The following RASGEF1A variants were observed in gnomAD, a reference collection of about 807,000 sequenced individuals.
RASGEF1A encodes the protein RasGEF domain family member 1A.
RASGEF1A carries 18 observed loss-of-function variants against 56.4 expected under a neutral mutation model. That is an observed-to-expected ratio of 0.32 (90% CI 0.22 to 0.47). RASGEF1A has a LOEUF of 0.47. Among genes scored for constraint, RASGEF1A ranks in the 20% least tolerant of loss-of-function variants. The pLI is 1.00. For synonymous variants in RASGEF1A, 245 were observed against 242.6 expected, an observed-to-expected ratio of 1.01 and a Z score of -0.09; for missense variants, 422 against 627.1, an observed-to-expected ratio of 0.67 and a Z score of 3.49.
chr10:43,230,773 C>T (rs1410359452), intron 1 of RASGEF1A, among the ~76,000 whole-genome samples: 1 of 152,216 alleles, frequency 6.6e-6, no homozygotes, highest in Non-Finnish European at 1.5e-5. Context: ...TTGCCCAGGC[C>T]TTGCCAGAGG....
chr10:43,248,304 C>T (rs1018514186), intron 1 of RASGEF1A, among the ~76,000 whole-genome samples: 5 of 149,260 alleles, frequency 3.3e-5, no homozygotes, highest in South Asian at 2.1e-4. Flanking sequence ...TGCAGTGAGC[C>T]GAGATGGCAC....
chr10:43,265,547 C>T (rs940169119), intron 1 of RASGEF1A, among the ~76,000 whole-genome samples: 3 of 152,258 alleles, frequency 2.0e-5, no homozygotes, highest in African/African-American at 7.2e-5. Flanking sequence ...AGCCAAGGTC[C>T]TCCATGTCCC....
rs1375844367 is a variant in RASGEF1A, at chr10:43,196,540, C to T, written c.1357G>A (p.Val453Ile). Residue 453 changes from valine (V) to isoleucine (I), a missense_variant, in exon 12 of 13, where the codon GTC (valine) becomes ATC (isoleucine). By Grantham distance (29) the Val-to-Ile change is conservative (BLOSUM62 3). This residue lies in a region of RASGEF1A where 149 missense variants were observed against 287.2 expected (regional missense o/e 0.52). Coordinates refer to ENST00000395810, the MANE Select transcript of RASGEF1A (RefSeq NM_145313.4). The surrounding 1 kb of genome is among the most constrained non-coding windows in gnomAD (Gnocchi z 4.6). Reference sequence around the variant, plus strand: ...GGACCCTCACTTTCAAAGGAGGCGACGAAGAGAGCTGAGAGATGGGAAAGT... The same window carrying T: ...GGACCCTCACTTTCAAAGGAGGCGATGAAGAGAGCTGAGAGATGGGAAAGT... ...APIYSEEALFVASFESEGPEN... is the reference protein window; with the variant it reads ...APIYSEEALFIASFESEGPEN... The T allele has an allele frequency of 8.1e-6, 13 of 1,613,610 alleles. No homozygotes were observed. Among genetic ancestry groups the T allele is most frequent in the African/African-American group, 1.3e-5 (1 of 75,022 alleles).
chr10:43,243,925 G>A (rs1224149158), intron 1 of RASGEF1A, among the ~76,000 whole-genome samples: 1 of 152,246 alleles, frequency 6.6e-6, no homozygotes, highest in Non-Finnish European at 1.5e-5. Flanking sequence ...TGATGACGAT[G>A]GTGGTTTTGT....
intron 1 of RASGEF1A, among the ~76,000 whole-genome samples, chr10:43,222,119 C>T (rs570455070): frequency 4.5e-5 from 6 of 133,774 alleles, no homozygotes; most frequent in African/African-American, 2.3e-4. Flanking sequence ...CCAACCTGCA[C>T]AGTGTGTGAC....
At position 43,247,260 on chromosome 10, in the gene RASGEF1A, A is replaced by G. The variant is rs562115759; in HGVS notation, c.-7+19585T>C. 1.4e-4 allele frequency among the ~76,000 whole-genome samples: 21 copies of G among 152,386 alleles called. No homozygotes were observed. In the East Asian group the frequency reaches 4.0e-3, roughly 29 times the overall value. ...GGATATAATAGAAAAGACAGTAATA[A>G]CAAGTGTTACTGAGGATGCTGAGAA... On this transcript the variant is annotated intron_variant, in intron 1 of 12. Transcript: ENST00000395810.
Position 43,199,180 on chromosome 10 carries a change from TTTC to T in RASGEF1A, c.861_863del (p.Lys288del). 1 of 1,610,748 alleles carries T rather than the reference TTTC, an allele frequency of 6.2e-7. No individual in the cohort carries two copies. Among genetic ancestry groups the T allele is most frequent in the Non-Finnish European group, 8.5e-7 (1 of 1,178,458 alleles). ...AGAACTCCAACATGCGGGTCCGGTG[TTTC>T]TTCTTCACCACCTGGAAGGTGGCAG... is the stretch of plus-strand genomic sequence containing the variant. On this transcript the variant is annotated inframe_deletion, in exon 8 of 13. Coordinates refer to ENST00000395810, the MANE Select transcript of RASGEF1A (RefSeq NM_145313.4).
chr10:43,228,965 C>T (rs1037754124), intron 1 of RASGEF1A, among the ~76,000 whole-genome samples: 1 of 152,226 alleles, frequency 6.6e-6, no homozygotes, highest in African/African-American at 2.4e-5. Context: ...GCACTCAGAA[C>T]CCAGGGGGCT....
At chr10:43,254,091 G>C (rs370825781) in intron 1 of RASGEF1A, among the ~76,000 whole-genome samples, 1 of 152,216 alleles carries the variant, frequency 6.6e-6, no homozygotes, top group Non-Finnish European at 1.5e-5. Context: ...CCCAGTGCTC[G>C]GTGGATGGCC....
At chr10:43,239,853 G>C (rs1221355779) in intron 1 of RASGEF1A, among the ~76,000 whole-genome samples, 1 of 152,216 alleles carries the variant, frequency 6.6e-6, no homozygotes, top group Non-Finnish European at 1.5e-5. Context: ...ACAATTACTG[G>C]TATTTAATTT....
At chr10:43,242,650 G>A (rs951681102) in intron 1 of RASGEF1A, among the ~76,000 whole-genome samples, 36 of 152,040 alleles carry the variant, frequency 2.4e-4, no homozygotes, top group African/African-American at 8.4e-4. Context: ...CTCCTGCCTC[G>A]GCCTGCCAAG....
chr10:43,234,482 G>C (rs1054534413), intron 1 of RASGEF1A, among the ~76,000 whole-genome samples: 1 of 152,192 alleles, frequency 6.6e-6, no homozygotes, highest in African/African-American at 2.4e-5. Flanking sequence ...TGAGGCAGGT[G>C]ACAGACCTTG....
At chr10:43,248,405 G>A (rs563117110) in intron 1 of RASGEF1A, among the ~76,000 whole-genome samples, 5 of 147,938 alleles carry the variant, frequency 3.4e-5, no homozygotes, top group Non-Finnish European at 6.0e-5. Context: ...TGGAATTAGA[G>A]ATGATGGTTC....
At chr10:43,239,387 A>G (rs1008961462) in intron 1 of RASGEF1A, among the ~76,000 whole-genome samples, 1 of 152,208 alleles carries the variant, frequency 6.6e-6, no homozygotes, top group Non-Finnish European at 1.5e-5. Flanking sequence ...GGTAGTGAAA[A>G]TGGTGGAGTA....
chr10:43,230,561 C>A (rs1465042387), intron 1 of RASGEF1A, among the ~76,000 whole-genome samples: 3 of 151,012 alleles, frequency 2.0e-5, no homozygotes, highest in Non-Finnish European at 4.4e-5. Context: ...GTGAGAGACC[C>A]CTTGGGCTCT....
intron 1 of RASGEF1A, among the ~76,000 whole-genome samples, chr10:43,234,113 C>A (rs1291724734): frequency 1.3e-5 from 2 of 152,276 alleles, no homozygotes; most frequent in Middle Eastern, 6.8e-3. Flanking sequence ...GGTGTCCCTG[C>A]GGAGTCACCC....
intron 1 of RASGEF1A, among the ~76,000 whole-genome samples, chr10:43,234,572 C>T (rs1840408399): frequency 6.6e-6 from 1 of 152,176 alleles, no homozygotes; most frequent in Admixed American, 6.5e-5. Context: ...CCTGATGAGG[C>T]TCAGCCCACA....
chr10:43,203,368 T>C lies in RASGEF1A; in HGVS notation c.251A>G (p.His84Arg), dbSNP rs1405144280. The C allele has an allele frequency of 1.9e-6, 3 of 1,587,604 alleles. No individual in the cohort carries two copies. The highest frequency in any genetic ancestry group is 4.6e-5 in the East Asian group (2 of 43,602). The change falls in exon 3 of 13, where the codon CAT becomes CGT. Residue 84 changes from histidine (H) to arginine (R), a missense_variant. His to Arg is a conservative substitution (Grantham distance 29). Coordinates refer to ENST00000395810, the MANE Select transcript of RASGEF1A (RefSeq NM_145313.4). ...CTGCCCCACGCGGGCCAGCAGGTCA[T>C]GAGGGGGCATAAAGACCCGGGAGCT... ...LLSSRVFMPP[H>R]DLLARVGQIC...
intron 1 of RASGEF1A, among the ~76,000 whole-genome samples, chr10:43,261,175 T>C (rs1278376415): frequency 6.6e-6 from 1 of 152,138 alleles, no homozygotes; most frequent in Non-Finnish European, 1.5e-5. Context: ...CTGGGACCCC[T>C]GGCCATACTT....
Sources: allele counts gnomAD v4.1 joint callset (sites outside exome capture counted in the v4.1 genomes callset), GRCh38; gene constraint gnomAD v4.1.1; regional missense constraint gnomAD v4.1.1; non-coding constraint Gnocchi (gnomAD v3.1); transcripts MANE v1.5; gene names NCBI Gene and HGNC (gene_info 2026-07-23, HGNC 2026-07-21).